The following TLE6 variants were observed in gnomAD, a reference collection of about 807,000 sequenced individuals.
The protein encoded by TLE6 is transducin-like enhancer protein 6.
Under a neutral mutation model 77.1 loss-of-function variants are expected in TLE6, and 72 were observed. That is an observed-to-expected ratio of 0.93 (90% CI 0.77 to 1.14). The LOEUF (loss-of-function observed/expected upper bound fraction) is 1.14. Among genes scored for constraint, TLE6 ranks in the 50% most tolerant of loss-of-function variants. The probability of loss-of-function intolerance (pLI) is 0.00; values close to 1 mark genes in which losing one functional copy is unlikely to be tolerated. For synonymous variants in TLE6, 366 were observed against 287.3 expected, an observed-to-expected ratio of 1.27 and a Z score of -2.77; for missense variants, 843 against 747.6, an observed-to-expected ratio of 1.13 and a Z score of -1.49.
Position 2,990,134 on chromosome 19 carries a change from C to G in TLE6, c.1244+349C>G, listed in dbSNP as rs141307463. On this transcript the variant is annotated intron_variant, in intron 13 of 16. Transcript: ENST00000246112. ...AAACAGCAGGCCAGGCCTGGTGCCT[C>G]AAACATGTAAACCCAGCACTTTGGG... 3.9e-3 allele frequency among the ~76,000 whole-genome samples: 592 copies of G among 152,194 alleles called. 3 individuals carry two copies. The highest frequency in any genetic ancestry group is 0.014 in the African/African-American group (572 of 41,516).
intron 12 of TLE6, 83 bp from the exon 13 acceptor site, chr19:2,989,452 T>C (rs1283785103): frequency 6.4e-7 from 1 of 1,569,018 alleles, no homozygotes; most frequent in East Asian, 2.2e-5. Flanking sequence ...AAAGGATGAA[T>C]AGGAGTTCGC....
Position 2,993,435 on chromosome 19 carries a change from A to G in TLE6, c.1390A>G (p.Met464Val), listed in dbSNP as rs1449960717. 3.1e-6 allele frequency: 5 copies of G among 1,601,046 alleles called. No individual in the cohort carries two copies. In the Admixed American group the frequency reaches 6.7e-5, roughly 22 times the overall value. The change falls in exon 15 of 17, where the codon ATG (methionine) becomes GTG (valine). Residue 464 changes from methionine (M) to valine (V), a missense_variant. Met to Val is a conservative substitution (Grantham distance 21). Transcript: ENST00000246112. ...PLEYQFKSQIMSLSHSPQEDW... is the reference protein window; with the variant it reads ...PLEYQFKSQIVSLSHSPQEDW... ...CTCCCCACTGCCCATTACCTAGATA[A>G]TGAGCCTGTCCCACAGCCCCCAGGA... is the stretch of plus-strand genomic sequence containing the variant.
Position 2,987,018 on chromosome 19 carries a change from C to G in TLE6, c.321C>G (p.Pro107=). ...CTGAACCAGCCAGCCCTGGGACGCC[C>G]CAGCAGGTGAAGGACAAGACCCTGC... is the stretch of plus-strand genomic sequence containing the variant. ...SPAEPASPGT[P]QQVKDKTLQE... The change falls in exon 7 of 17, where the codon CCC becomes CCG. Residue 107 remains proline (P), a synonymous_variant. Coordinates refer to ENST00000246112, the MANE Select transcript of TLE6 (RefSeq NM_001143986.2). The G allele has an allele frequency of 6.2e-7, 1 of 1,613,546 alleles. No homozygotes were observed. Among genetic ancestry groups the G allele is most frequent in the East Asian group, 2.2e-5 (1 of 44,850 alleles).
rs1372866082 is a variant in TLE6 at position 2,986,862 on chromosome 19, A to T, written c.256A>T (p.Ser86Cys). 13 of 1,551,664 alleles carry T rather than the reference A, an allele frequency of 8.4e-6. No homozygotes were observed. The highest frequency in any genetic ancestry group is 8.7e-7 in the Non-Finnish European group (1 of 1,147,018). The change falls in exon 6 of 17, where the codon AGC becomes TGC. Residue 86 changes from serine (S) to cysteine (C), a missense_variant. Physicochemically the swap from Ser to Cys is moderately radical, Grantham distance 112. Transcript: ENST00000246112. ...GNVLQIVESC[S>C]QLQGFQSEEV... is the part of the protein sequence containing the mutation. ...CGTCTTACAGATTGTGGAGAGCTGC[A>T]GCCAACTCCAGGGTTTCCAGTCTGA...
At chr19:2,985,344 T>A (rs1429139764) in intron 5 of TLE6, among the ~76,000 whole-genome samples, 3 of 151,082 alleles carry the variant, frequency 2.0e-5, no homozygotes, top group South Asian at 2.1e-4. Context: ...TTAAGCAAAT[T>A]AAAACGTCTT....
intron 1 of TLE6, among the ~76,000 whole-genome samples, chr19:2,977,937 T>C (rs2088711285): frequency 6.6e-6 from 1 of 152,116 alleles, no homozygotes; most frequent in African/African-American, 2.4e-5. Context: ...GGAGTGTATG[T>C]GCACTATCCA....
intron 13 of TLE6, 127 bp downstream of exon 13, chr19:2,989,912 C>T: frequency 7.7e-7 from 1 of 1,302,184 alleles, no homozygotes; most frequent in East Asian, 2.3e-5. Flanking sequence ...TAGCACTCTC[C>T]CAGCCAAAAC....
rs538301780 is a variant in TLE6, at chr19:2,982,814, C to T, written c.222+625C>T. 1.3e-4 allele frequency among the ~76,000 whole-genome samples: 20 copies of T among 152,240 alleles called. 1 individual carries two copies. The highest frequency in any genetic ancestry group is 1.7e-4 in the African/African-American group (7 of 41,554). On this transcript the variant is annotated intron_variant, in intron 5 of 16. Transcript: ENST00000246112. ...GCTCCTTCCGCTCCCTGGGCCCCTG[C>T]GCAACCTAGATGACCCTTTGCCGGT...
At chr19:2,993,948 G>A (rs35271493) in intron 15 of TLE6, 71 bp from the exon 16 acceptor site, 735,084 of 956,696 alleles carry the variant, frequency 0.77, 294,299 homozygotes, top group East Asian at 0.97. Context: ...AAAAAGGTGG[G>A]TGGGGAGGAT....
rs771978263 is a variant in TLE6, at chr19:2,982,102, C to T, written c.181-46C>T. On this transcript the variant is annotated intron_variant, in intron 4 of 16. Transcript: ENST00000246112. ...AGCTTGCCCAGGGTCACACAGCATT[C>T]ACACCCGGACCACCTCCCGATGGGA... 5 of 1,550,292 alleles carry T rather than the reference C, an allele frequency of 3.2e-6. No individual in the cohort carries two copies. The Admixed American group carries it at 7.8e-5, about 24-fold the overall frequency.
chr19:2,983,665 G>T (rs1353918308), intron 5 of TLE6, among the ~76,000 whole-genome samples: 1 of 151,962 alleles, frequency 6.6e-6, no homozygotes, highest in Admixed American at 6.6e-5. Context: ...GTGAGCTTCA[G>T]GGAGGACTTG....
intron 16 of TLE6, among the ~76,000 whole-genome samples, chr19:2,994,695 T>G (rs891088347): frequency 6.6e-6 from 1 of 152,164 alleles, no homozygotes. Context: ...TCCCAGCTAC[T>G]TGGGAGGCTG....
Position 2,987,933 on chromosome 19 carries a change from G to C in TLE6, c.661G>C (p.Glu221Gln). 6.2e-7 allele frequency: 1 copy of C among 1,610,792 alleles called. No individual in the cohort carries two copies. The highest frequency in any genetic ancestry group is 2.2e-5 in the East Asian group (1 of 44,812). The part of the protein sequence containing the change: ...RPPEASSSPP[E>Q]GSQDRNTSWG... ...ACCTGAGGCCTCCTCCAGTCCCCCT[G>C]AGGGTTCCCAAGACAGGAACACAAG... Residue 221 changes from glutamate (E) to glutamine (Q), a missense_variant, in exon 10 of 17, where the codon GAG becomes CAG. Physicochemically the swap from Glu to Gln is conservative, Grantham distance 29. Coordinates refer to ENST00000246112, the MANE Select transcript of TLE6 (RefSeq NM_001143986.2).
intron 5 of TLE6, chr19:2,984,200 C>CT (rs1177263937): frequency 1.3e-5 from 2 of 152,294 alleles, no homozygotes; most frequent in Non-Finnish European, 2.9e-5. Context: ...ACTTTTCATG[C>CT]TGAGCGCATT....
intron 8 of TLE6, 135 bp from the exon 9 acceptor site, chr19:2,987,589 C>G: frequency 4.3e-6 from 5 of 1,152,548 alleles, no homozygotes; most frequent in Non-Finnish European, 6.4e-6. Flanking sequence ...CTGACTCTCT[C>G]TCTGCAACTC....
At chr19:2,989,911 C>G (rs1009895553) in intron 13 of TLE6, 126 bp downstream of exon 13, 2 of 1,353,058 alleles carry the variant, frequency 1.5e-6, no homozygotes, top group East Asian at 2.3e-5. Flanking sequence ...ATAGCACTCT[C>G]CCAGCCAAAA....
intron 4 of TLE6, 81 bp downstream of exon 4, chr19:2,981,664 T>G: frequency 7.0e-7 from 1 of 1,434,918 alleles, no homozygotes; most frequent in Admixed American, 2.0e-5. Flanking sequence ...CCCTGCCTCC[T>G]GAGTGCCCTA....
Position 2,978,273 on chromosome 19 carries a change from A to T in TLE6, c.40A>T (p.Lys14Ter). Residue 14 changes from lysine (K) to a stop codon, truncating the protein, a stop_gained, in exon 2 of 17, where the codon AAA becomes TAA. Coordinates refer to ENST00000246112, the MANE Select transcript of TLE6 (RefSeq NM_001143986.2). LOFTEE classifies it high-confidence loss of function. ...RDQPRPKGPP[K>*]STSPCPGISN... Reference sequence around the variant, plus strand: ...CCAGCCCAGACCCAAGGGCCCCCCGAAAAGCACTTCGGTGAGGAGGGCATG... The same window carrying T: ...CCAGCCCAGACCCAAGGGCCCCCCGTAAAGCACTTCGGTGAGGAGGGCATG... 2 of 1,551,474 alleles carry T rather than the reference A, an allele frequency of 1.3e-6. No individual in the cohort carries two copies. Among genetic ancestry groups the T allele is most frequent in the Non-Finnish European group, 8.7e-7 (1 of 1,146,954 alleles).
At chr19:2,994,154 A>G in intron 16 of TLE6, 59 bp downstream of exon 16, 1 of 1,444,494 alleles carries the variant, frequency 6.9e-7, no homozygotes, top group Admixed American at 2.1e-5. Context: ...CAGCCTGGGC[A>G]ACACAGCAAG....
Sources: allele counts gnomAD v4.1 joint callset (sites outside exome capture counted in the v4.1 genomes callset), GRCh38; gene constraint gnomAD v4.1.1; transcripts MANE v1.5; gene names NCBI Gene and HGNC (gene_info 2026-07-23, HGNC 2026-07-21).